FRS3: variants seen among roughly 807,000 people sequenced by gnomAD.
FRS3 encodes fibroblast growth factor receptor substrate 3, also known as FGFR substrate 3.
In FRS3, 17 loss-of-function variants were observed where a neutral mutation model predicts 41.9. That is an observed-to-expected ratio of 0.41 (90% CI 0.28 to 0.61). The LOEUF is 0.61. Among genes scored for constraint, FRS3 ranks in the 20% least tolerant of loss-of-function variants. FRS3 has a pLI of 0.36. For synonymous variants in FRS3, 287 were observed against 274.5 expected (o/e 1.05, Z -0.45); for missense variants, 619 against 672.1 (o/e 0.92, Z 0.87).
chr6:41,778,610 G>A (rs972061505), intron 1 of FRS3, among the ~76,000 whole-genome samples: 1 of 152,124 alleles, frequency 6.6e-6, no homozygotes, highest in Non-Finnish European at 1.5e-5. Flanking sequence ...AAGTATCTGG[G>A]AGACTTAAGT....
intron 3 of FRS3, 119 bp from the exon 4 acceptor site, chr6:41,775,724 C>T (rs1051515184): frequency 1.9e-5 from 14 of 749,992 alleles, no homozygotes; most frequent in South Asian, 1.4e-4. Flanking sequence ...AGGTCACATC[C>T]GACTATCACA....
intron 4 of FRS3, among the ~76,000 whole-genome samples, chr6:41,773,522 G>C (rs573373780): frequency 7.9e-5 from 12 of 152,272 alleles, no homozygotes; most frequent in African/African-American, 2.9e-4. Flanking sequence ...TTGCTCTGAA[G>C]CGAAATCATT....
Position 41,771,130 on chromosome 6 carries a change from T to C in FRS3, c.968A>G (p.Glu323Gly), listed in dbSNP as rs558584270. 5.8e-5 allele frequency: 91 copies of C among 1,573,168 alleles called. No individual in the cohort carries two copies. The Admixed American group carries it at 7.5e-4, about 13-fold the overall frequency. Residue 323 changes from glutamate (E) to glycine (G), a missense_variant, in exon 7 of 7, where the codon GAG becomes GGG. Physicochemically the swap from Glu to Gly is moderately conservative, Grantham distance 98 (BLOSUM62 -2). Transcript: ENST00000373018. ...AHRRAALLHY[E>G]NLPPLPPVWE... is the part of the protein sequence containing the mutation. ...CACAGGGGGCAGTGGGGGCAGGTTC[T>C]CATAGTGCAGCAGGGCGGCCCGGCG...
chr6:41,771,734 T>C, intron 6 of FRS3, 82 bp downstream of exon 6: 1 of 1,425,260 alleles, frequency 7.0e-7, no homozygotes, highest in Non-Finnish European at 9.5e-7. Flanking sequence ...CCGTGATCCT[T>C]ACTGGGAGGA....
Position 41,771,047 on chromosome 6 carries a change from C to A in FRS3, c.1051G>T (p.Asp351Tyr). Residue 351 changes from aspartate to tyrosine, a missense_variant, in exon 7 of 7, where the codon GAT (aspartate) becomes TAT (tyrosine). Physicochemically the swap from Asp to Tyr is radical, Grantham distance 160. Around this residue, in one of 3 missense-constraint regions of FRS3, gnomAD observed 487 missense variants for 478.3 expected, o/e 1.02. Transcript: ENST00000373018. ...CCATTGGAAGAGGGTGTGAGCCCATCCCTCGAGTCCCCATCATCCCCAGCC... is the reference window on the plus strand; with the variant it reads ...CCATTGGAAGAGGGTGTGAGCCCATACCTCGAGTCCCCATCATCCCCAGCC... ...GEAGDDGDSR[D>Y]GLTPSSNGFP... The A allele has an allele frequency of 6.2e-7, 1 of 1,608,670 alleles. No homozygotes were observed. Among genetic ancestry groups the A allele is most frequent in the Non-Finnish European group, 8.5e-7 (1 of 1,176,208 alleles).
Position 41,772,842 on chromosome 6 carries a change from T to C in FRS3, c.371A>G (p.His124Arg). The change falls in exon 5 of 7, where the codon CAC becomes CGC. Residue 124 changes from histidine to arginine, a missense_variant. Physicochemically the swap from His to Arg is conservative, Grantham distance 29. Coordinates refer to ENST00000373018, the MANE Select transcript of FRS3 (RefSeq NM_006653.5). ...TCGAGGGAGGTCAAGCTCAGCGGGG[T>C]GGCTATTGCGGGTGATGATGACAGG... is the stretch of plus-strand genomic sequence containing the variant. The part of the protein sequence containing the change: ...EEPVIITRNS[H>R]PAELDLPRAP... The C allele has an allele frequency of 1.2e-6, 2 of 1,611,362 alleles. No homozygotes were observed. Among genetic ancestry groups the C allele is most frequent in the Non-Finnish European group, 1.7e-6 (2 of 1,179,492 alleles).
chr6:41,775,352 A>G, intron 4 of FRS3, 67 bp downstream of exon 4: 2 of 1,304,198 alleles, frequency 1.5e-6, no homozygotes, highest in South Asian at 1.4e-5. Flanking sequence ...GGGCTAACCT[A>G]TACATTAGGA....
intron 4 of FRS3, among the ~76,000 whole-genome samples, chr6:41,773,808 G>A (rs1300460978): frequency 3.3e-5 from 5 of 151,550 alleles, no homozygotes; most frequent in African/African-American, 1.2e-4. Context: ...GGAGGTGGAG[G>A]GTGCAGTGAG....
At chr6:41,779,004 C>T (rs1030975826) in intron 1 of FRS3, among the ~76,000 whole-genome samples, 3 of 152,050 alleles carry the variant, frequency 2.0e-5, no homozygotes, top group African/African-American at 7.2e-5. Flanking sequence ...GTAAAAGGAC[C>T]CCATCCCCTT....
At chr6:41,779,342 T>C (rs750073230) in intron 1 of FRS3, among the ~76,000 whole-genome samples, 9 of 151,570 alleles carry the variant, frequency 5.9e-5, no homozygotes, top group East Asian at 2.0e-4. Context: ...ATGAGGACGT[T>C]TGGGGAAACA....
chr6:41,774,493 C>A (rs1772371563), intron 4 of FRS3, among the ~76,000 whole-genome samples: 1 of 152,196 alleles, frequency 6.6e-6, no homozygotes, highest in Admixed American at 6.5e-5. Flanking sequence ...AAATCATGGG[C>A]AGACTAGCTA....
At chr6:41,773,242 A>G (rs1270155347) in intron 4 of FRS3, among the ~76,000 whole-genome samples, 1 of 152,068 alleles carries the variant, frequency 6.6e-6, no homozygotes, top group Non-Finnish European at 1.5e-5. Flanking sequence ...AGCTGGGATT[A>G]CAGGCGCCCG....
chr6:41,772,308 G>C (rs1772315946), intron 5 of FRS3, among the ~76,000 whole-genome samples: 1 of 152,142 alleles, frequency 6.6e-6, no homozygotes, highest in South Asian at 2.1e-4. Flanking sequence ...CAAAAAAAGG[G>C]ACTGCGCTTC....
intron 3 of FRS3, chr6:41,776,459 G>C (rs543430746): frequency 2.6e-5 from 4 of 153,600 alleles, no homozygotes; most frequent in African/African-American, 9.6e-5. Flanking sequence ...ACGGGGTTTC[G>C]CCATGTTGGC....
At chr6:41,774,473 G>A (rs770425381) in intron 4 of FRS3, among the ~76,000 whole-genome samples, 8 of 152,192 alleles carry the variant, frequency 5.3e-5, no homozygotes, top group Non-Finnish European at 1.2e-4. Flanking sequence ...ACTCTGGCAC[G>A]GGAAGGAAGA....
Position 41,775,404 on chromosome 6 carries a change from G to A in FRS3, c.253+15C>T, listed in dbSNP as rs760030352. The A allele has an allele frequency of 1.9e-6, 3 of 1,596,618 alleles. No individual in the cohort carries two copies. The highest frequency in any genetic ancestry group is 1.7e-5 in the Admixed American group (1 of 58,436). Reference sequence around the variant, plus strand: ...TAAGCCCCTATCCCAGGGTGGAGCAGGGCCTGGTACTCACCCTGGCCTGTC... The same window carrying A: ...TAAGCCCCTATCCCAGGGTGGAGCAAGGCCTGGTACTCACCCTGGCCTGTC... On this transcript the variant is annotated intron_variant, in intron 4 of 6. Coordinates refer to ENST00000373018, the MANE Select transcript of FRS3 (RefSeq NM_006653.5).
chr6:41,775,694 G>A (rs1176925263), intron 3 of FRS3, 89 bp from the exon 4 acceptor site: 2 of 947,848 alleles, frequency 2.1e-6, no homozygotes, highest in African/African-American at 3.3e-5. Flanking sequence ...TCTGATGCAG[G>A]ACAAGAGGTG....
At chr6:41,772,997 G>A (rs1581969154) in intron 4 of FRS3, 38 bp from the exon 5 acceptor site, 4 of 1,587,254 alleles carry the variant, frequency 2.5e-6, no homozygotes, top group Non-Finnish European at 3.5e-6. Flanking sequence ...TAGGCAATAG[G>A]GAAGGACCAG....
intron 4 of FRS3, 90 bp downstream of exon 4, chr6:41,775,329 A>G (rs941402064): frequency 3.9e-6 from 4 of 1,018,444 alleles, no homozygotes; most frequent in Admixed American, 2.8e-5. Context: ...TGGGGATAAC[A>G]CTAACCTCTT....
Sources: gnomAD v4.1 joint callset for allele counts (sites outside exome capture counted in the v4.1 genomes callset) on GRCh38, gnomAD v4.1.1 for gene constraint, gnomAD v4.1.1 regional missense constraint, MANE v1.5 for transcripts, NCBI Gene and HGNC (gene_info 2026-07-23, HGNC 2026-07-21) for gene names.